DUSP22: variants seen among roughly 807,000 people sequenced by gnomAD.
DUSP22 encodes the protein dual specificity phosphatase 22.
Under a neutral mutation model 24.5 loss-of-function variants are expected in DUSP22, and 24 were observed. That is an observed-to-expected ratio of 0.98 (90% CI 0.71 to 1.38). DUSP22 has a LOEUF of 1.38. DUSP22 is among the 40% of genes most tolerant of loss of function. DUSP22 has a pLI of 0.00. For synonymous variants in DUSP22, 160 were observed against 106.4 expected (o/e 1.50, Z -3.10); for missense variants, 330 against 269.2 (o/e 1.23, Z -1.58).
chr6:323,417 C>A (rs1457303547), intron 3 of DUSP22, among the ~76,000 whole-genome samples: 3 of 152,296 alleles, frequency 2.0e-5, no homozygotes, highest in Non-Finnish European at 4.4e-5. Flanking sequence ...CATGGGAAAG[C>A]AAATGAAATG....
chr6:336,573 G>T (rs1465615252), intron 4 of DUSP22, among the ~76,000 whole-genome samples: 1 of 152,308 alleles, frequency 6.6e-6, no homozygotes, highest in Admixed American at 6.5e-5. Flanking sequence ...TAGAGCTGGA[G>T]TAAGATGGGT....
At chr6:301,256 G>C (rs1025904327) in intron 1 of DUSP22, among the ~76,000 whole-genome samples, 4 of 115,346 alleles carry the variant, frequency 3.5e-5, no homozygotes, top group African/African-American at 1.5e-4. Context: ...GCATACCCAA[G>C]GGATAAAGGA....
At chr6:316,793 C>A (rs1330232746) in intron 3 of DUSP22, among the ~76,000 whole-genome samples, 3 of 152,306 alleles carry the variant, frequency 2.0e-5, no homozygotes, top group African/African-American at 4.8e-5. Context: ...CTTCACTAAG[C>A]TTCTAACATG....
chr6:298,285 A>G (rs1159149288), intron 1 of DUSP22, among the ~76,000 whole-genome samples: 1 of 152,310 alleles, frequency 6.6e-6, no homozygotes, highest in African/African-American at 2.4e-5. Context: ...TGTCTCTGTG[A>G]CATTTAACCC....
chr6:320,710 G>A (rs1409662441), intron 3 of DUSP22, among the ~76,000 whole-genome samples: 1 of 152,298 alleles, frequency 6.6e-6, no homozygotes, highest in Non-Finnish European at 1.5e-5. Flanking sequence ...GACTCAGTGG[G>A]GAGGGAGGGT....
At chr6:348,082 G>T (rs1425161576) in intron 5 of DUSP22, 21 bp from the exon 6 acceptor site, 1 of 1,613,506 alleles carries the variant, frequency 6.2e-7, no homozygotes, top group South Asian at 1.1e-5. Flanking sequence ...CCTCACACAT[G>T]TGCTTCTCTT....
At chr6:313,783 A>C (rs1406655421) in intron 3 of DUSP22, among the ~76,000 whole-genome samples, 3 of 152,304 alleles carry the variant, frequency 2.0e-5, no homozygotes, top group African/African-American at 7.2e-5. Flanking sequence ...CTTTAATTTC[A>C]CAAGTAATTC....
chr6:322,221 A>G (rs1038373895), intron 3 of DUSP22, among the ~76,000 whole-genome samples: 2 of 152,308 alleles, frequency 1.3e-5, no homozygotes, highest in Non-Finnish European at 2.9e-5. Context: ...ATGCTAGGAC[A>G]GCATGACTAG....
intron 1 of DUSP22, among the ~76,000 whole-genome samples, chr6:299,573 G>A (rs1053921248): frequency 6.6e-6 from 1 of 152,304 alleles, no homozygotes; most frequent in East Asian, 1.9e-4. Context: ...TGAGCAACCT[G>A]CTTTCCATTT....
chr6:319,198 C>T (rs1459603293), intron 3 of DUSP22, among the ~76,000 whole-genome samples: 46 of 152,348 alleles, frequency 3.0e-4, no homozygotes, highest in Non-Finnish European at 4.9e-4. Flanking sequence ...AGTATCTATT[C>T]GAGTGAAGAC....
intron 5 of DUSP22, among the ~76,000 whole-genome samples, chr6:347,093 G>A (rs1759921335): frequency 6.6e-6 from 1 of 152,298 alleles, no homozygotes; most frequent in Non-Finnish European, 1.5e-5. Flanking sequence ...CATACCTTGG[G>A]GGTTCAATTG....
intron 3 of DUSP22, among the ~76,000 whole-genome samples, chr6:330,942 A>G (rs1181221796): frequency 1.3e-5 from 2 of 152,304 alleles, no homozygotes; most frequent in African/African-American, 4.8e-5. Flanking sequence ...TACGGTGTAC[A>G]CCTGGTCCCC....
At chr6:292,947 C>T (rs985125059) in intron 1 of DUSP22, among the ~76,000 whole-genome samples, 6 of 152,420 alleles carry the variant, frequency 3.9e-5, no homozygotes, top group African/African-American at 7.2e-5. Context: ...CACCGCCCCC[C>T]CCACATCATT....
intron 3 of DUSP22, among the ~76,000 whole-genome samples, chr6:333,075 C>T (rs1056103023): frequency 1.3e-5 from 2 of 152,306 alleles, no homozygotes; most frequent in Non-Finnish European, 2.9e-5. Flanking sequence ...ATAATACTTC[C>T]TTTTCCGTTT....
At chr6:334,456 A>C (rs1377091272) in intron 3 of DUSP22, among the ~76,000 whole-genome samples, 1 of 152,288 alleles carries the variant, frequency 6.6e-6, no homozygotes, top group Admixed American at 6.5e-5. Flanking sequence ...ATGGATTTAC[A>C]TAAACCTTTT....
intron 4 of DUSP22, among the ~76,000 whole-genome samples, chr6:343,755 A>C (rs1004682648): frequency 3.0e-5 from 2 of 67,722 alleles, no homozygotes; most frequent in Non-Finnish European, 6.0e-5. Context: ...TCCTCATCTC[A>C]CTGAGCACCT....
chr6:348,697 C>T (rs1381274166), intron 6 of DUSP22, 72 bp from the exon 7 acceptor site: 3 of 1,594,628 alleles, frequency 1.9e-6, no homozygotes, highest in South Asian at 1.1e-5. Context: ...GGTGAAGTCA[C>T]AGGTGCAAGC....
At chr6:344,341 G>A (rs549852824) in intron 4 of DUSP22, among the ~76,000 whole-genome samples, 6 of 152,414 alleles carry the variant, frequency 3.9e-5, no homozygotes, top group Admixed American at 2.0e-4. Flanking sequence ...GCTGGAGTGC[G>A]GTGGCATGAT....
intron 2 of DUSP22, among the ~76,000 whole-genome samples, chr6:307,102 T>C (rs867662444): frequency 6.6e-6 from 1 of 152,312 alleles, no homozygotes; most frequent in African/African-American, 2.4e-5. Flanking sequence ...GCCTCTTTCT[T>C]TTTTCCTGGG....
Sources: gnomAD v4.1 joint callset for allele counts (sites outside exome capture counted in the v4.1 genomes callset) on GRCh38, gnomAD v4.1.1 for gene constraint, MANE v1.5 for transcripts, NCBI Gene and HGNC (gene_info 2026-07-23, HGNC 2026-07-21) for gene names.